Variants in SBF2 observed in about 807,000 individuals in gnomAD.
SBF2 encodes the protein myotubularin-related protein 13.
A neutral mutation model predicts 225.2 loss-of-function variants in SBF2; 112 were observed. That is an observed-to-expected ratio of 0.50 (90% CI 0.43 to 0.58). The LOEUF is 0.58. Among genes scored for constraint, SBF2 ranks in the 20% least tolerant of loss-of-function variants. SBF2 has a pLI of 0.00. For synonymous variants in SBF2, 763 were observed against 773.3 expected, an observed-to-expected ratio of 0.99 and a Z score of 0.22; for missense variants, 1,996 against 2,206.2, an observed-to-expected ratio of 0.90 and a Z score of 1.91.
At chr11:10,177,551 G>C (rs1388777558) in intron 2 of SBF2, among the ~76,000 whole-genome samples, 1 of 148,560 alleles carries the variant, frequency 6.7e-6, no homozygotes, top group African/African-American at 2.5e-5. Flanking sequence ...ACCAACAACA[G>C]ACAAACAGAG....
intron 2 of SBF2, among the ~76,000 whole-genome samples, chr11:10,089,130 C>T (rs1951685507): frequency 6.6e-6 from 1 of 152,190 alleles, no homozygotes; most frequent in Admixed American, 6.5e-5. Context: ...GAAGTCTGTA[C>T]TTTTAATGCA....
chr11:9,902,312 C>T (rs1360176398), intron 16 of SBF2, among the ~76,000 whole-genome samples: 1 of 152,218 alleles, frequency 6.6e-6, no homozygotes, highest in Non-Finnish European at 1.5e-5. Flanking sequence ...TCTTTCTACT[C>T]TACTGACATC....
rs142736339 is a variant in SBF2 at position 10,266,787 on chromosome 11, T to C, written c.55+27228A>G. Among the ~76,000 whole-genome samples, 1,223 of 152,324 alleles carry C rather than the reference T, an allele frequency of 8.0e-3. 6 individuals are homozygous for C. Among genetic ancestry groups the C allele is most frequent in the South Asian group, 0.021 (103 of 4,826 alleles). ...TGGCCAAAGGAAACGTAGTTGATTT[T>C]GGCCTTTAAACGGAAGAGGGTCCGG... is the stretch of plus-strand genomic sequence containing the variant. On this transcript the variant is annotated intron_variant, in intron 1 of 39. Coordinates refer to ENST00000256190, the MANE Select transcript of SBF2 (RefSeq NM_030962.4).
At chr11:10,027,959 G>C (rs1441466012) in intron 6 of SBF2, among the ~76,000 whole-genome samples, 1 of 152,138 alleles carries the variant, frequency 6.6e-6, no homozygotes, top group Non-Finnish European at 1.5e-5. Context: ...TTCTATGTTA[G>C]AGTACAGTGG....
At chr11:10,017,255 C>A (rs1350620239) in intron 6 of SBF2, among the ~76,000 whole-genome samples, 5 of 152,168 alleles carry the variant, frequency 3.3e-5, no homozygotes, top group African/African-American at 1.2e-4. Flanking sequence ...ATATGTTACA[C>A]AAATAGAAGA....
At chr11:9,883,221 T>C (rs1350820286) in intron 17 of SBF2, among the ~76,000 whole-genome samples, 2 of 152,066 alleles carry the variant, frequency 1.3e-5, no homozygotes, top group African/African-American at 4.8e-5. Context: ...TGCATAATAA[T>C]GGCAATATTA....
chr11:9,899,269 G>A (rs1861524241), intron 16 of SBF2, among the ~76,000 whole-genome samples: 2 of 151,376 alleles, frequency 1.3e-5, no homozygotes, highest in Admixed American at 1.3e-4. Flanking sequence ...CAAGGCAGGA[G>A]GACTGCTTGA....
intron 28 of SBF2, among the ~76,000 whole-genome samples, chr11:9,824,157 T>G (rs1284197166): frequency 6.6e-6 from 1 of 152,194 alleles, no homozygotes; most frequent in Non-Finnish European, 1.5e-5. Flanking sequence ...GCCTTTAGGA[T>G]TAGCAAAGAA....
intron 9 of SBF2, among the ~76,000 whole-genome samples, chr11:9,997,876 T>C (rs565077669): frequency 4.6e-5 from 7 of 152,328 alleles, no homozygotes; most frequent in African/African-American, 1.7e-4. Context: ...CAGTGTTTTG[T>C]AGGTACCAAA....
chr11:10,057,007 G>T (rs1202955167), intron 2 of SBF2, among the ~76,000 whole-genome samples: 1 of 152,050 alleles, frequency 6.6e-6, no homozygotes, highest in Non-Finnish European at 1.5e-5. Flanking sequence ...CTTCCTACAG[G>T]TGCCTTTGGG....
At chr11:10,020,873 T>C (rs1948827690) in intron 6 of SBF2, among the ~76,000 whole-genome samples, 1 of 145,372 alleles carries the variant, frequency 6.9e-6, no homozygotes, top group Admixed American at 7.8e-5. Context: ...GTAAGAATAA[T>C]ATTTGTAAGA....
rs1949132451 is a variant in SBF2 at position 10,028,563 on chromosome 11, G to A, written c.514-6C>T. On this transcript the variant is annotated splice_polypyrimidine_tract_variant and splice_region_variant and intron_variant, in intron 5 of 39. Transcript: ENST00000256190. ...GCACCCAAAGAAAACAGCTTCTGCA[G>A]AATGGGAGAAACACAAACACACACA... 6.4e-7 allele frequency: 1 copy of A among 1,568,344 alleles called. No homozygotes were observed. The highest frequency in any genetic ancestry group is 1.4e-5 in the African/African-American group (1 of 73,952).
At chr11:9,940,240 A>G (rs1865171300) in intron 16 of SBF2, among the ~76,000 whole-genome samples, 1 of 152,102 alleles carries the variant, frequency 6.6e-6, no homozygotes, top group South Asian at 2.1e-4. Context: ...CGTCTGTACT[A>G]AAAATACAAA....
intron 2 of SBF2, among the ~76,000 whole-genome samples, chr11:10,168,983 T>C (rs1263823315): frequency 6.6e-6 from 1 of 152,216 alleles, no homozygotes; most frequent in Non-Finnish European, 1.5e-5. Context: ...TTTTCTTTCT[T>C]TTGAAGAGCA....
At chr11:9,985,955 T>C (rs973835892) in intron 13 of SBF2, among the ~76,000 whole-genome samples, 1 of 152,114 alleles carries the variant, frequency 6.6e-6, no homozygotes, top group Non-Finnish European at 1.5e-5. Flanking sequence ...ATACAGAACA[T>C]TTCATCCAAC....
In SBF2 at chr11:9,978,532, T is replaced by C. The variant is rs145248258; in HGVS notation, c.1396-9987A>G. On this transcript the variant is annotated intron_variant, in intron 13 of 39. Transcript: ENST00000256190. ...AATGTAGAAGACATTTGAAGGGCTCTTACCTAGTAATATAATCTCTTAATA... is the reference window on the plus strand; with the variant it reads ...AATGTAGAAGACATTTGAAGGGCTCCTACCTAGTAATATAATCTCTTAATA... Among the ~76,000 whole-genome samples, 45 of 152,384 alleles carry C rather than the reference T, an allele frequency of 3.0e-4. No individual in the cohort carries two copies. The East Asian group carries it at 8.3e-3, about 28-fold the overall frequency.
intron 1 of SBF2, among the ~76,000 whole-genome samples, chr11:10,289,594 A>C (rs1964033838): frequency 6.6e-6 from 1 of 152,076 alleles, no homozygotes; most frequent in African/African-American, 2.4e-5. Flanking sequence ...CCCTGGGCCC[A>C]GCCCTTGGGA....
intron 13 of SBF2, among the ~76,000 whole-genome samples, chr11:9,988,312 T>C (rs1947279606): frequency 6.6e-6 from 1 of 152,060 alleles, no homozygotes. Flanking sequence ...ATAAGAATTC[T>C]AGAACATTGG....
At chr11:10,168,604 A>G (rs955473213) in intron 2 of SBF2, among the ~76,000 whole-genome samples, 1 of 152,256 alleles carries the variant, frequency 6.6e-6, no homozygotes, top group African/African-American at 2.4e-5. Flanking sequence ...TATGAATTTG[A>G]AATGTACCTT....
Sources: allele counts gnomAD v4.1 joint callset (sites outside exome capture counted in the v4.1 genomes callset), GRCh38; gene constraint gnomAD v4.1.1; transcripts MANE v1.5; gene names NCBI Gene and HGNC (gene_info 2026-07-23, HGNC 2026-07-21).